NCOA2: variants seen among roughly 807,000 people sequenced by gnomAD.
NCOA2 encodes the protein class E basic helix-loop-helix protein 75.
Under a neutral mutation model 145.1 loss-of-function variants are expected in NCOA2, and 21 were observed. The ratio of observed to expected loss-of-function variants is 0.14; its 90% CI spans 0.10 to 0.21. The LOEUF is 0.21. Ranked by LOEUF, NCOA2 falls within the 10% of genes least tolerant of loss-of-function variation. The pLI is 1.00. For missense variants in NCOA2, 1,472 were observed against 1,837.6 expected (o/e 0.80, Z 3.64); for synonymous variants, 619 against 637.5 (o/e 0.97, Z 0.44).
the NCOA2 span, among the ~76,000 whole-genome samples, chr8:70,411,709 T>C: frequency 1.3e-5 from 2 of 152,162 alleles, no homozygotes; most frequent in Admixed American, 6.5e-5. Flanking sequence ...GAAATAACCT[T>C]GAATAAAAGA....
At chr8:70,286,981 G>A (rs1393584215) in intron 2 of NCOA2, among the ~76,000 whole-genome samples, 1 of 152,122 alleles carries the variant, frequency 6.6e-6, no homozygotes, top group Non-Finnish European at 1.5e-5. Context: ...GGTGGCTCAT[G>A]CTTGTAAACC....
chr8:70,233,460 T>C (rs1483605614), intron 2 of NCOA2, among the ~76,000 whole-genome samples: 1 of 152,182 alleles, frequency 6.6e-6, no homozygotes, highest in African/African-American at 2.4e-5. Flanking sequence ...GAGATTCAAA[T>C]AAGGGAATAC....
In NCOA2 at chr8:70,174,877, G is replaced by A; in HGVS notation, c.260-18C>T. 2 of 1,604,974 alleles carry A rather than the reference G, an allele frequency of 1.2e-6. No individual in the cohort carries two copies. The highest frequency in any genetic ancestry group is 2.7e-5 in the African/African-American group (2 of 74,866). ...TGCTTTCTCTGCAATAAACATAAGTGTGAATTAAATGGCAGTGCTATTTCA... is the reference window on the plus strand; with the variant it reads ...TGCTTTCTCTGCAATAAACATAAGTATGAATTAAATGGCAGTGCTATTTCA... On this transcript the variant is annotated intron_variant, in intron 4 of 22. Coordinates refer to ENST00000452400, the MANE Select transcript of NCOA2 (RefSeq NM_006540.4).
At chr8:70,170,160 G>T (rs368639719) in intron 6 of NCOA2, 42 bp downstream of exon 6, 10 of 1,579,840 alleles carry the variant, frequency 6.3e-6, no homozygotes, top group Non-Finnish European at 7.8e-6. Context: ...AGGGCAGGTG[G>T]GGGTGACGGG....
At chr8:70,122,805 TC>T (rs1267903654) in intron 21 of NCOA2, among the ~76,000 whole-genome samples, 2 of 152,216 alleles carry the variant, frequency 1.3e-5, no homozygotes, top group Non-Finnish European at 2.9e-5. Context: ...ATAGATCTAA[TC>T]AAACTCTTCA....
chr8:70,251,777 T>C (rs1823201031), intron 2 of NCOA2, among the ~76,000 whole-genome samples: 1 of 152,206 alleles, frequency 6.6e-6, no homozygotes. Flanking sequence ...CAACTAGAAC[T>C]TTAAAAGGGG....
intron 2 of NCOA2, among the ~76,000 whole-genome samples, chr8:70,236,717 A>C (rs1230916286): frequency 6.6e-6 from 1 of 152,140 alleles, no homozygotes; most frequent in Non-Finnish European, 1.5e-5. Context: ...AAAGCAGTAC[A>C]ATATAACAAC....
At chr8:70,179,150 C>T (rs1301563847) in intron 4 of NCOA2, among the ~76,000 whole-genome samples, 1 of 152,104 alleles carries the variant, frequency 6.6e-6, no homozygotes, top group Non-Finnish European at 1.5e-5. Context: ...TACTCTTATT[C>T]TCACAAGAAT....
intron 1 of NCOA2, among the ~76,000 whole-genome samples, chr8:70,320,357 T>C (rs909737040): frequency 6.6e-6 from 1 of 152,150 alleles, no homozygotes; most frequent in African/African-American, 2.4e-5. Context: ...TATTACTTCC[T>C]CAGTTTTCTC....
intron 2 of NCOA2, among the ~76,000 whole-genome samples, chr8:70,232,575 G>T (rs1384961488): frequency 6.6e-6 from 1 of 152,040 alleles, no homozygotes; most frequent in Non-Finnish European, 1.5e-5. Context: ...CACTTCTGGT[G>T]TCTCAGAGAA....
At chr8:70,292,074 CAA>C (rs371226539) in intron 2 of NCOA2, among the ~76,000 whole-genome samples, 42 of 94,026 alleles carry the variant, frequency 4.5e-4, no homozygotes, top group South Asian at 2.8e-3. Context: ...GACGCCGTCT[CAA>C]AAAAAAAAAA....
chr8:70,335,155 A>AAAAAAAAAAAAAAAAAAAAAAAAAAAAT lies in NCOA2; in HGVS notation c.-76-38356_-76-38355insATTTTTTTTTTTTTTTTTTTTTTTTTTT, dbSNP rs774576238. The stretch of plus-strand genomic sequence containing the variant: ...AAAAAAAAAAAAAAAAAAAAAAAAG[A>AAAAAAAAAAAAAAAAAAAAAAAAAAAAT]TCTCTCCCTATGACCATTTTCTCAG... On this transcript the variant is annotated intron_variant, in intron 1 of 22. Transcript: ENST00000452400. Among the ~76,000 whole-genome samples the AAAAAAAAAAAAAAAAAAAAAAAAAAAAT allele has an allele frequency of 3.5e-5, 4 of 115,354 alleles. 1 individual carries two copies. Among genetic ancestry groups the AAAAAAAAAAAAAAAAAAAAAAAAAAAAT allele is most frequent in the South Asian group, 6.1e-4 (2 of 3,272 alleles). The allele number at this position is 115,354 out of a possible 152,430, so 75.7% of individuals were successfully genotyped here. A position where few individuals can be genotyped will look rare whatever the true frequency, so the allele number is the denominator to read the frequency against.
chr8:70,380,495 C>T (rs1167028975), intron 1 of NCOA2, among the ~76,000 whole-genome samples: 1 of 152,096 alleles, frequency 6.6e-6, no homozygotes, highest in Non-Finnish European at 1.5e-5. Flanking sequence ...TTTTCATTCA[C>T]TCAACAAACT....
At chr8:70,142,141 T>C (rs963188464) in intron 13 of NCOA2, among the ~76,000 whole-genome samples, 5 of 152,238 alleles carry the variant, frequency 3.3e-5, no homozygotes, top group Admixed American at 6.5e-5. Context: ...GCCCCCAGGA[T>C]GCTGATAATG....
At chr8:70,145,889 C>T (rs937459372) in intron 12 of NCOA2, among the ~76,000 whole-genome samples, 1 of 152,178 alleles carries the variant, frequency 6.6e-6, no homozygotes. Context: ...CCTTGGCCCC[C>T]CAAAGTGCTG....
intron 16 of NCOA2, among the ~76,000 whole-genome samples, chr8:70,130,882 C>T (rs908288199): frequency 6.6e-6 from 1 of 152,228 alleles, no homozygotes; most frequent in African/African-American, 2.4e-5. Flanking sequence ...CCAGGCTGCA[C>T]TGCTTCACAC....
chr8:70,305,559 G>A (rs1012505385), intron 1 of NCOA2, among the ~76,000 whole-genome samples: 8 of 151,980 alleles, frequency 5.3e-5, no homozygotes, highest in African/African-American at 1.9e-4. Context: ...AGGACTGCCC[G>A]AGCACAGGAC....
At chr8:70,422,467 G>A in the NCOA2 span, among the ~76,000 whole-genome samples, 4 of 151,718 alleles carry the variant, frequency 2.6e-5, no homozygotes, top group African/African-American at 7.3e-5. Context: ...TTGGAGTGAA[G>A]TCGTGCAATC....
In NCOA2 at chr8:70,335,435, CTG is replaced by C. The variant is rs369207675; in HGVS notation, c.-76-38637_-76-38636del. ...TACACCAAATCTGAAGGGCTTTCTTCTGTGTGTGACACAACACACATAACAAA... is the reference window on the plus strand; with the variant it reads ...TACACCAAATCTGAAGGGCTTTCTTCTGTGTGACACAACACACATAACAAA... On this transcript the variant is annotated intron_variant, in intron 1 of 22. Transcript: ENST00000452400. 3.9e-3 allele frequency among the ~76,000 whole-genome samples: 598 copies of C among 152,286 alleles called. 4 individuals are homozygous for C. The highest frequency in any genetic ancestry group is 0.014 in the African/African-American group (577 of 41,558).
Sources: gnomAD v4.1 joint callset for allele counts (sites outside exome capture counted in the v4.1 genomes callset) on GRCh38, gnomAD v4.1.1 for gene constraint, MANE v1.5 for transcripts, NCBI Gene and HGNC (gene_info 2026-07-23, HGNC 2026-07-21) for gene names.